The following PAK1IP1 variants were observed in gnomAD, a reference collection of about 807,000 sequenced individuals.
PAK1IP1 encodes the protein p21-activated protein kinase-interacting protein 1.
PAK1IP1 carries 24 observed loss-of-function variants against 42.0 expected under a neutral mutation model. The ratio of observed to expected loss-of-function variants is 0.57; its 90% CI spans 0.41 to 0.80. The LOEUF (loss-of-function observed/expected upper bound fraction) is 0.80. Ranked by LOEUF, PAK1IP1 falls within the 30% of genes least tolerant of loss-of-function variation. The pLI is 0.00. For synonymous variants in PAK1IP1, 154 were observed against 156.7 expected (o/e 0.98, Z 0.13); for missense variants, 411 against 467.9 (o/e 0.88, Z 1.12).
Position 10,704,914 on chromosome 6 carries a change from C to T in PAK1IP1, c.740+70C>T, listed in dbSNP as rs148092263. On this transcript the variant is annotated intron_variant, in intron 7 of 9. Coordinates refer to ENST00000379568, the MANE Select transcript of PAK1IP1 (RefSeq NM_017906.3). ...GGTATATATGCAGTAGTTTCATAAG[C>T]CAGGTTATATGTTTTTATTAACAAC... is the stretch of plus-strand genomic sequence containing the variant. The T allele has an allele frequency of 5.1e-4, 475 of 924,396 alleles. 2 individuals are homozygous for T. In the East Asian group the frequency reaches 9.8e-3, roughly 19 times the overall value. The allele number at this position is 924,396 out of a possible 1,614,324, so 57.3% of individuals were successfully genotyped here.
intron 1 of PAK1IP1, among the ~76,000 whole-genome samples, chr6:10,695,667 G>T (rs1430933199): frequency 6.6e-6 from 1 of 152,114 alleles, no homozygotes; most frequent in Admixed American, 6.5e-5. Context: ...AGATAAAAAG[G>T]TCAAATAAAT....
At chr6:10,694,602 A>AGT, upstream of PAK1IP1, 2 of 196,504 alleles carry the variant, frequency 1.0e-5, no homozygotes, top group South Asian at 7.2e-5. Flanking sequence ...GCCCCTAAGC[A>AGT]ACCGGCCGGA....
intron 8 of PAK1IP1, among the ~76,000 whole-genome samples, chr6:10,708,746 T>C (rs1257466665): frequency 6.6e-6 from 1 of 152,038 alleles, no homozygotes; most frequent in Non-Finnish European, 1.5e-5. Flanking sequence ...GTGTTCTCAT[T>C]GTTCAATTCC....
chr6:10,708,347 T>G (rs1770268111), intron 8 of PAK1IP1, among the ~76,000 whole-genome samples: 1 of 152,164 alleles, frequency 6.6e-6, no homozygotes, highest in Non-Finnish European at 1.5e-5. Flanking sequence ...GTTCATCATG[T>G]TATAGCATAT....
At chr6:10,707,637 T>C (rs1197849245) in intron 8 of PAK1IP1, 123 bp downstream of exon 8, 5 of 625,530 alleles carry the variant, frequency 8.0e-6, no homozygotes, top group African/African-American at 1.9e-5. Flanking sequence ...CCAGGCATGA[T>C]TGATATTAAT....
chr6:10,704,421 A>T (rs563804817), intron 5 of PAK1IP1, 86 bp from the exon 6 acceptor site: 2 of 719,874 alleles, frequency 2.8e-6, no homozygotes, highest in African/African-American at 3.6e-5. Flanking sequence ...GAAAATGCAC[A>T]GTATAAATAT....
chr6:10,691,424 T>C (rs927571450), upstream of PAK1IP1, among the ~76,000 whole-genome samples: 2 of 152,090 alleles, frequency 1.3e-5, no homozygotes, highest in African/African-American at 4.8e-5. Flanking sequence ...GGGGGCTGCA[T>C]GCACCGGTAA....
intron 2 of PAK1IP1, among the ~76,000 whole-genome samples, chr6:10,699,200 C>CAAAAA (rs796680429): frequency 3.6e-5 from 2 of 55,396 alleles, no homozygotes; most frequent in African/African-American, 5.0e-5. Flanking sequence ...GACTCTGTCT[C>CAAAAA]AAAAAAAAAA....
Position 10,707,529 on chromosome 6 carries a change from A to G in PAK1IP1, c.840+15A>G. The G allele has an allele frequency of 6.9e-7, 1 of 1,449,558 alleles. No individual in the cohort carries two copies. The highest frequency in any genetic ancestry group is 9.7e-7 in the Non-Finnish European group (1 of 1,029,808). 89.8% of individuals were successfully genotyped at this position (1,449,558 alleles called of 1,614,324 possible). On this transcript the variant is annotated intron_variant, in intron 8 of 9. Coordinates refer to ENST00000379568, the MANE Select transcript of PAK1IP1 (RefSeq NM_017906.3). ...AGCAGGATAAGGTCAGTGCTTCAAC[A>G]CAATCTAAATGTACTTTAATACAAG...
At chr6:10,705,951 A>G (rs1770190142) in intron 7 of PAK1IP1, among the ~76,000 whole-genome samples, 1 of 152,202 alleles carries the variant, frequency 6.6e-6, no homozygotes, top group Non-Finnish European at 1.5e-5. Context: ...CAGATGTACT[A>G]ATAACACTTA....
At chr6:10,702,194 C>A (rs1051962301) in intron 2 of PAK1IP1, among the ~76,000 whole-genome samples, 175 bp from the exon 3 acceptor site, 21 of 149,992 alleles carry the variant, frequency 1.4e-4, no homozygotes, top group Non-Finnish European at 3.1e-4. Context: ...GGGATAAGAT[C>A]ATGCCATAGC....
chr6:10,702,824 C>T (rs1238607264), intron 4 of PAK1IP1, among the ~76,000 whole-genome samples, 185 bp downstream of exon 4: 2 of 151,696 alleles, frequency 1.3e-5, no homozygotes, highest in Admixed American at 1.3e-4. Flanking sequence ...GACAGAGTCT[C>T]GCTCTGTCTC....
At chr6:10,694,382 G>A (rs1292586097), upstream of PAK1IP1, 2 of 153,256 alleles carry the variant, frequency 1.3e-5, no homozygotes, top group Non-Finnish European at 2.9e-5. Flanking sequence ...TGGGGTTCTG[G>A]CCCGGGCAGA....
chr6:10,694,911 T>TG, upstream of PAK1IP1: 1 of 908,234 alleles, frequency 1.1e-6, no homozygotes, highest in Non-Finnish European at 1.6e-6. Flanking sequence ...GTGTTTTTTT[T>TG]TTTTTTTTTT....
At chr6:10,700,823 T>C (rs1472987671) in intron 2 of PAK1IP1, among the ~76,000 whole-genome samples, 2 of 152,118 alleles carry the variant, frequency 1.3e-5, no homozygotes, top group Non-Finnish European at 2.9e-5. Flanking sequence ...TCTTTTTTCT[T>C]TTTTTCCTTC....
chr6:10,707,501 T>TTA lies in PAK1IP1; in HGVS notation c.828_829dup (p.Lys277IlefsTer15). On this transcript the variant is annotated frameshift_variant, in exon 8 of 10. Coordinates refer to ENST00000379568, the MANE Select transcript of PAK1IP1 (RefSeq NM_017906.3). LOFTEE classifies it high-confidence loss of function. ...GATGGTTTCATCAAAATGTGGAAGC[T>TTA]TAAGCAGGATAAGGTCAGTGCTTCA... 6.3e-7 allele frequency: 1 copy of TTA among 1,595,868 alleles called. No individual in the cohort carries two copies. Among genetic ancestry groups the TTA allele is most frequent in the Admixed American group, 1.7e-5 (1 of 60,012 alleles).
intron 1 of PAK1IP1, 50 bp from the exon 2 acceptor site, chr6:10,697,274 G>A (rs1050475383): frequency 6.6e-7 from 1 of 1,526,600 alleles, no homozygotes; most frequent in Non-Finnish European, 9.0e-7. Context: ...GATAGAGTTG[G>A]TAGAACTGTG....
Position 10,709,033 on chromosome 6 carries a change from A to G in PAK1IP1, c.921A>G (p.Ala307=), listed in dbSNP as rs758589350. Residue 307 remains alanine (A), a synonymous_variant, in exon 9 of 10, where the codon GCA becomes GCG. Transcript: ENST00000379568. ...TTGGAGTGTGGCTAGACAAAGTGGC[A>G]GACATGAAAGAAAGCCTTCCTCCAG... is the stretch of plus-strand genomic sequence containing the variant. ...TCLGVWLDKV[A]DMKESLPPAA... is the part of the protein sequence containing the mutation. The G allele has an allele frequency of 1.2e-6, 2 of 1,613,458 alleles. No individual in the cohort carries two copies. The highest frequency in any genetic ancestry group is 2.2e-5 in the East Asian group (1 of 44,870).
At chr6:10,704,419 A>G (rs749639763) in intron 5 of PAK1IP1, 88 bp from the exon 6 acceptor site, 5 of 712,958 alleles carry the variant, frequency 7.0e-6, no homozygotes, top group African/African-American at 1.8e-5. Context: ...TTGAAAATGC[A>G]CAGTATAAAT....
Sources: gnomAD v4.1 joint callset for allele counts (sites outside exome capture counted in the v4.1 genomes callset) on GRCh38, gnomAD v4.1.1 for gene constraint, MANE v1.5 for transcripts, NCBI Gene and HGNC (gene_info 2026-07-23, HGNC 2026-07-21) for gene names.